The following NCOA1 variants were observed in gnomAD, a reference collection of about 807,000 sequenced individuals.
NCOA1 encodes Hin-2 protein.
A neutral mutation model predicts 150.9 loss-of-function variants in NCOA1; 35 were observed. That is an observed-to-expected ratio of 0.23 (90% CI 0.18 to 0.31). The LOEUF (loss-of-function observed/expected upper bound fraction) is 0.31. Ranked by LOEUF, NCOA1 falls within the 10% of genes least tolerant of loss-of-function variation. The pLI, the probability that NCOA1 is intolerant of heterozygous loss-of-function variation, is 1.00. For synonymous variants in NCOA1, 590 were observed against 630.0 expected (o/e 0.94, Z 0.95); for missense variants, 1,491 against 1,749.3 (o/e 0.85, Z 2.63).
chr2:24,694,840 T>G (rs1213540503), intron 10 of NCOA1, among the ~76,000 whole-genome samples: 1 of 152,022 alleles, frequency 6.6e-6, no homozygotes, highest in Non-Finnish European at 1.5e-5. Flanking sequence ...TTTTTTTAAT[T>G]ATTGAAAATT....
At chr2:24,739,253 T>C (rs1328562295) in intron 17 of NCOA1, among the ~76,000 whole-genome samples, 179 bp from the exon 18 acceptor site, 2 of 152,152 alleles carry the variant, frequency 1.3e-5, no homozygotes, top group African/African-American at 4.8e-5. Context: ...TTGGAGGCAA[T>C]AAGTGTTTTA....
intron 1 of NCOA1, among the ~76,000 whole-genome samples, chr2:24,497,268 T>C (rs1663259661): frequency 3.9e-5 from 6 of 152,182 alleles, no homozygotes; most frequent in Admixed American, 3.3e-4. Flanking sequence ...TTTTTTTTTT[T>C]TCTTTCTGGA....
At position 24,706,970 on chromosome 2, in the gene NCOA1, G is replaced by A. The variant is rs1403186967; in HGVS notation, c.1500G>A (p.Arg500=). ...RRQVTSGLAT[R]PRMPNNSFPP... ...AGGTTACTTCTGGATTGGCAACAAG[G>A]CCCAGGATGCCAAACAATTCCTTTC... is the stretch of plus-strand genomic sequence containing the variant. Residue 500 remains arginine, a synonymous_variant, in exon 13 of 23, where the codon AGG becomes AGA. Coordinates refer to ENST00000348332, the MANE Select transcript of NCOA1 (RefSeq NM_003743.5). 5 of 1,614,122 alleles carry A rather than the reference G, an allele frequency of 3.1e-6. No homozygotes were observed. Among genetic ancestry groups the A allele is most frequent in the South Asian group, 1.1e-5 (1 of 91,068 alleles).
intron 17 of NCOA1, among the ~76,000 whole-genome samples, chr2:24,738,285 A>G (rs1663428227): frequency 1.3e-5 from 2 of 151,364 alleles, no homozygotes; most frequent in Non-Finnish European, 2.9e-5. Flanking sequence ...TATTTATGAT[A>G]TATAAGTATA....
intron 3 of NCOA1, among the ~76,000 whole-genome samples, chr2:24,626,643 G>T (rs1669424772): frequency 6.6e-6 from 1 of 152,236 alleles, no homozygotes; most frequent in Non-Finnish European, 1.5e-5. Context: ...GATGTTACCT[G>T]GATATCTAAA....
chr2:24,703,842 C>G (rs1410377809), intron 11 of NCOA1, among the ~76,000 whole-genome samples: 1 of 152,052 alleles, frequency 6.6e-6, no homozygotes, highest in African/African-American at 2.4e-5. Flanking sequence ...ATCAAAGCCC[C>G]TTTGAAATGT....
chr2:24,517,909 C>T (rs1664271069), intron 1 of NCOA1, among the ~76,000 whole-genome samples: 1 of 152,026 alleles, frequency 6.6e-6, no homozygotes, highest in Non-Finnish European at 1.5e-5. Flanking sequence ...TGGAATGTGC[C>T]TCATGATTTC....
At chr2:24,538,979 G>A (rs1221416284) in intron 1 of NCOA1, among the ~76,000 whole-genome samples, 1 of 152,202 alleles carries the variant, frequency 6.6e-6, no homozygotes, top group African/African-American at 2.4e-5. Context: ...CCTCTAAGCA[G>A]AGCGTTAAAA....
Position 24,673,379 on chromosome 2 carries a change from T to C in NCOA1, c.270T>C (p.Thr90=), listed in dbSNP as rs1671768295. 1 of 1,572,446 alleles carries C rather than the reference T, an allele frequency of 6.4e-7. No individual in the cohort carries two copies. The highest frequency in any genetic ancestry group is 8.6e-7 in the Non-Finnish European group (1 of 1,164,686). Reference sequence around the variant, plus strand: ...TCTTTATTATAGAGAAATCAACAACTGATGACGATGTACAGAAATCAGACA... The same window carrying C: ...TCTTTATTATAGAGAAATCAACAACCGATGACGATGTACAGAAATCAGACA... ...MKRMEQEKST[T]DDDVQKSDIS... The change falls in exon 7 of 23, where the codon ACT becomes ACC. Residue 90 remains threonine, a synonymous_variant. Coordinates refer to ENST00000348332, the MANE Select transcript of NCOA1 (RefSeq NM_003743.5).
intron 8 of NCOA1, among the ~76,000 whole-genome samples, chr2:24,690,536 C>T (rs1672614427): frequency 6.6e-6 from 1 of 150,758 alleles, no homozygotes; most frequent in Non-Finnish European, 1.5e-5. Context: ...CCTATAATCC[C>T]AGCTACTCAG....
At chr2:24,604,770 G>T (rs1572478702) in intron 3 of NCOA1, among the ~76,000 whole-genome samples, 1 of 152,150 alleles carries the variant, frequency 6.6e-6, no homozygotes, top group Admixed American at 6.5e-5. Flanking sequence ...TTGTGTGTTC[G>T]CTGGAGTAGC....
intron 1 of NCOA1, among the ~76,000 whole-genome samples, chr2:24,518,005 T>A (rs1664274336): frequency 6.6e-6 from 1 of 152,044 alleles, no homozygotes; most frequent in African/African-American, 2.4e-5. Flanking sequence ...TACTATGTGT[T>A]TTTGTTCTTG....
chr2:24,542,582 A>G (rs1338943047), intron 1 of NCOA1, among the ~76,000 whole-genome samples: 3 of 152,198 alleles, frequency 2.0e-5, no homozygotes, highest in East Asian at 3.8e-4. Context: ...TGTACTGAGG[A>G]CTAGTGAAAA....
chr2:24,517,489 G>T (rs554086832), intron 1 of NCOA1, among the ~76,000 whole-genome samples: 2 of 152,186 alleles, frequency 1.3e-5, no homozygotes, highest in South Asian at 4.1e-4. Context: ...CAGGGTTTAT[G>T]TCTGCGAGAA....
chr2:24,711,420 T>C (rs1056795674), intron 14 of NCOA1: 13 of 196,366 alleles, frequency 6.6e-5, no homozygotes, highest in Admixed American at 5.9e-5. Context: ...TGGGTCAGAT[T>C]GTTTCCAGAT....
At chr2:24,657,200 C>T (rs1388749946) in intron 4 of NCOA1, among the ~76,000 whole-genome samples, 10 of 150,554 alleles carry the variant, frequency 6.6e-5, no homozygotes, top group Admixed American at 6.6e-4. Context: ...GGAAATGAGA[C>T]CTTGAAAATG....
Position 24,729,643 on chromosome 2 carries a change from G to A in NCOA1, c.3029G>A (p.Gly1010Asp). 6.2e-7 allele frequency: 1 copy of A among 1,614,018 alleles called. No individual in the cohort carries two copies. Among genetic ancestry groups the A allele is most frequent in the Middle Eastern group, 1.6e-4 (1 of 6,062 alleles). The change falls in exon 17 of 23, where the codon GGC (glycine) becomes GAC (aspartate). Residue 1010 changes from glycine to aspartate, a missense_variant. Physicochemically the swap from Gly to Asp is moderately conservative, Grantham distance 94. This residue lies in a region of NCOA1 where 485 missense variants were observed against 522.8 expected (regional missense o/e 0.93). Transcript: ENST00000348332. ...GCCAATCTCCCTAGCCCTTTCCAAG[G>A]CATGGTCAGGCAAAAACCTTCACTG... is the stretch of plus-strand genomic sequence containing the variant. Reference protein sequence around the residue: ...PTANLPSPFQGMVRQKPSLGT... With the variant: ...PTANLPSPFQDMVRQKPSLGT...
rs776778492 is a variant in NCOA1, at chr2:24,707,040, A to T, written c.1570A>T (p.Ser524Cys). The stretch of plus-strand genomic sequence containing the variant: ...AAGCTCTCCCGTTGGCATGACAAGT[A>T]GTGCCTGTAATAATAATAACCGATC... ...TLSSPVGMTS[S>C]ACNNNNRSYS... Residue 524 changes from serine to cysteine, a missense_variant, in exon 13 of 23, where the codon AGT (serine) becomes TGT (cysteine). By Grantham distance (112) the Ser-to-Cys change is moderately radical. Coordinates refer to ENST00000348332, the MANE Select transcript of NCOA1 (RefSeq NM_003743.5). 5.0e-6 allele frequency: 8 copies of T among 1,614,210 alleles called. No homozygotes were observed.
chr2:24,759,640 G>A (rs1664676045), intron 21 of NCOA1, among the ~76,000 whole-genome samples: 1 of 152,072 alleles, frequency 6.6e-6, no homozygotes, highest in Non-Finnish European at 1.5e-5. Context: ...CTATTACCAT[G>A]CAGCCATCAT....
Sources: gnomAD v4.1 joint callset for allele counts (sites outside exome capture counted in the v4.1 genomes callset) on GRCh38, gnomAD v4.1.1 for gene constraint, gnomAD v4.1.1 regional missense constraint, MANE v1.5 for transcripts, NCBI Gene and HGNC (gene_info 2026-07-23, HGNC 2026-07-21) for gene names.